The following MALRD1 variants were observed in gnomAD, a reference collection of about 807,000 sequenced individuals.
MALRD1 encodes the protein MAM and LDL receptor class A domain containing 1.
Under a neutral mutation model 242.1 loss-of-function variants are expected in MALRD1, and 247 were observed. The ratio of observed to expected loss-of-function variants is 1.02; its 90% CI spans 0.92 to 1.13. The LOEUF (loss-of-function observed/expected upper bound fraction) is 1.13. Ranked by LOEUF, MALRD1 falls within the 50% of genes most tolerant of loss-of-function variation. The pLI is 0.00. For synonymous variants in MALRD1, 995 were observed against 866.6 expected (o/e 1.15, Z -2.60); for missense variants, 2,989 against 2,533.1 (o/e 1.18, Z -3.86).
intron 38 of MALRD1, among the ~76,000 whole-genome samples, chr10:19,720,432 A>G (rs1444495325): frequency 6.6e-6 from 1 of 152,216 alleles, no homozygotes; most frequent in African/African-American, 2.4e-5. Context: ...TAAATGCTTT[A>G]TCTCCTGAGT....
chr10:19,405,278 A>G (rs866138067), intron 28 of MALRD1, among the ~76,000 whole-genome samples: 6 of 152,184 alleles, frequency 3.9e-5, no homozygotes, highest in African/African-American at 1.4e-4. Flanking sequence ...TTTATGTTCA[A>G]CAAGAAGGGT....
intron 26 of MALRD1, among the ~76,000 whole-genome samples, chr10:19,383,844 G>A (rs1845940262): frequency 6.6e-6 from 1 of 151,748 alleles, no homozygotes; most frequent in Non-Finnish European, 1.5e-5. Context: ...AATGGAAATA[G>A]TACATTCTCC....
chr10:19,171,504 G>T (rs58689633), intron 13 of MALRD1, among the ~76,000 whole-genome samples: 2 of 129,040 alleles, frequency 1.5e-5, no homozygotes, highest in African/African-American at 3.0e-5. Flanking sequence ...ACATATATAT[G>T]TGTCTATGTG....
chr10:19,672,263 A>C (rs1445009226), intron 36 of MALRD1, among the ~76,000 whole-genome samples: 2 of 151,860 alleles, frequency 1.3e-5, no homozygotes, highest in East Asian at 3.9e-4. Flanking sequence ...ATTGCTCTTA[A>C]ATCTCTCTCT....
chr10:19,104,356 A>G (rs1045162962), intron 5 of MALRD1, among the ~76,000 whole-genome samples: 2 of 152,176 alleles, frequency 1.3e-5, no homozygotes, highest in African/African-American at 4.8e-5. Flanking sequence ...AATCTTAACA[A>G]GAGAACTCTG....
intron 2 of MALRD1, among the ~76,000 whole-genome samples, chr10:19,078,645 G>C (rs1184686852): frequency 6.6e-6 from 1 of 151,738 alleles, no homozygotes; most frequent in Non-Finnish European, 1.5e-5. Flanking sequence ...TAAGCCTTTT[G>C]TGCTGGAGCA....
chr10:19,317,836 G>C (rs897241421), intron 21 of MALRD1, among the ~76,000 whole-genome samples: 4 of 151,996 alleles, frequency 2.6e-5, no homozygotes, highest in African/African-American at 9.7e-5. Flanking sequence ...AAATAGCATG[G>C]ACTATAAATC....
At chr10:19,300,346 A>G (rs1304105759) in intron 21 of MALRD1, among the ~76,000 whole-genome samples, 1 of 152,028 alleles carries the variant, frequency 6.6e-6, no homozygotes, top group Non-Finnish European at 1.5e-5. Flanking sequence ...GACATTTTTC[A>G]CAGAATTCAA....
At chr10:19,622,357 A>G (rs1281994035) in intron 36 of MALRD1, among the ~76,000 whole-genome samples, 1 of 151,756 alleles carries the variant, frequency 6.6e-6, no homozygotes, top group East Asian at 1.9e-4. Flanking sequence ...GGAAAAAATG[A>G]AAAAACTCTA....
At chr10:19,212,534 A>T (rs1837115733) in intron 18 of MALRD1, among the ~76,000 whole-genome samples, 1 of 152,216 alleles carries the variant, frequency 6.6e-6, no homozygotes, top group African/African-American at 2.4e-5. Flanking sequence ...GGCTATTATG[A>T]ATACATGTGC....
At chr10:19,252,188 G>T (rs553921275) in intron 18 of MALRD1, among the ~76,000 whole-genome samples, 1 of 152,040 alleles carries the variant, frequency 6.6e-6, no homozygotes, top group East Asian at 1.9e-4. Flanking sequence ...GGGAGGACTA[G>T]TGTCTGCGGC....
chr10:19,530,448 A>AATAAATATTATATAATATT (rs1554793525), intron 31 of MALRD1, among the ~76,000 whole-genome samples: 1 of 100,184 alleles, frequency 1.0e-5, no homozygotes, highest in Admixed American at 1.5e-4. Context: ...AATATATAAT[A>AATAAATATTATATAATATT]TATAATATAT....
intron 27 of MALRD1, 90 bp downstream of exon 27, chr10:19,387,863 A>T: frequency 2.8e-6 from 4 of 1,428,024 alleles, no homozygotes; most frequent in Non-Finnish European, 3.7e-6. Context: ...GGAGCTCTGA[A>T]GAGACCACCA....
At chr10:19,118,171 G>T (rs12783914) in intron 5 of MALRD1, among the ~76,000 whole-genome samples, 8,166 of 152,182 alleles carry the variant, frequency 0.054, 451 homozygotes, top group Admixed American at 0.17. Context: ...GAGAAAAATA[G>T]CCAAACAGTA....
chr10:19,235,379 AT>A (rs61526265), intron 18 of MALRD1, among the ~76,000 whole-genome samples: 47,593 of 149,594 alleles, frequency 0.32, 7,975 homozygotes, highest in Admixed American at 0.47. Context: ...AATTCTAAGC[AT>A]TTTTTTTTCG....
chr10:19,188,141 C>T (rs567962828), intron 14 of MALRD1, among the ~76,000 whole-genome samples: 1 of 152,212 alleles, frequency 6.6e-6, no homozygotes, highest in East Asian at 1.9e-4. Flanking sequence ...AGAAGACTTG[C>T]AAGATCTGAC....
chr10:19,126,946 C>G (rs1837302392), intron 7 of MALRD1, among the ~76,000 whole-genome samples: 1 of 152,046 alleles, frequency 6.6e-6, no homozygotes. Flanking sequence ...GTGTGTTGTT[C>G]CCCTTCCCTG....
chr10:19,384,593 A>G (rs1845993271), intron 26 of MALRD1, among the ~76,000 whole-genome samples: 1 of 127,088 alleles, frequency 7.9e-6, no homozygotes. Flanking sequence ...ACTATATATT[A>G]TATAATATAT....
At chr10:19,685,774 G>A (rs1205019833) in intron 36 of MALRD1, among the ~76,000 whole-genome samples, 4 of 152,070 alleles carry the variant, frequency 2.6e-5, no homozygotes, top group African/African-American at 9.7e-5. Flanking sequence ...TCAGAGTTGG[G>A]GAGAATAGGT....
Sources: gnomAD v4.1 joint callset for allele counts (sites outside exome capture counted in the v4.1 genomes callset) on GRCh38, gnomAD v4.1.1 for gene constraint, MANE v1.5 for transcripts, NCBI Gene and HGNC (gene_info 2026-07-23, HGNC 2026-07-21) for gene names.